Variants in SLC36A3 observed in about 807,000 individuals in gnomAD.
SLC36A3 encodes proton-coupled amino acid transporter 3.
Under a neutral mutation model 44.3 loss-of-function variants are expected in SLC36A3, and 35 were observed. That is an observed-to-expected ratio of 0.79 (90% CI 0.60 to 1.05). The LOEUF (loss-of-function observed/expected upper bound fraction) is 1.05. Among genes scored for constraint, SLC36A3 ranks in the 50% least tolerant of loss-of-function variants. SLC36A3 has a pLI of 0.00. For synonymous variants in SLC36A3, 211 were observed against 227.6 expected (o/e 0.93, Z 0.66); for missense variants, 540 against 578.7 (o/e 0.93, Z 0.69).
intron 2 of SLC36A3, 140 bp from the exon 3 acceptor site, chr5:151,296,408 G>A (rs1331403552): frequency 1.5e-6 from 1 of 679,784 alleles, no homozygotes; most frequent in African/African-American, 1.8e-5. Context: ...ATGTCCTCAT[G>A]CTCCCAGATG....
Position 151,277,476 on chromosome 5 carries a change from T to G in SLC36A3, c.1330A>C (p.Ile444Leu). ...TAGAGGGCTTGGTATGTCCCAAATA[T>G]ACACCCTAAAAGGCCCACGATGCTA... The part of the protein sequence containing the change: ...MISIVGLLGC[I>L]FGTYQALYEL... The change falls in exon 10 of 10, where the codon ATA becomes CTA. Residue 444 changes from isoleucine (I) to leucine (L), a missense_variant. Ile to Leu is a conservative substitution (Grantham distance 5). Coordinates refer to ENST00000335230, the MANE Select transcript of SLC36A3 (RefSeq NM_181774.4). 8 of 1,614,124 alleles carry G rather than the reference T, an allele frequency of 5.0e-6. No homozygotes were observed. The highest frequency in any genetic ancestry group is 5.9e-6 in the Non-Finnish European group (7 of 1,180,022).
intron 8 of SLC36A3, among the ~76,000 whole-genome samples, chr5:151,281,646 C>G (rs1358803040): frequency 2.0e-5 from 3 of 152,072 alleles, no homozygotes; most frequent in Non-Finnish European, 4.4e-5. Flanking sequence ...GGTGAAAGCT[C>G]GTCTCTAATA....
At chr5:151,292,557 T>TA (rs1375623171) in intron 4 of SLC36A3, among the ~76,000 whole-genome samples, 3 of 152,224 alleles carry the variant, frequency 2.0e-5, no homozygotes, top group Non-Finnish European at 4.4e-5. Flanking sequence ...ACAGAGGAAC[T>TA]AAGACAGAGA....
At chr5:151,295,390 T>G (rs1321598635) in intron 3 of SLC36A3, among the ~76,000 whole-genome samples, 1 of 152,230 alleles carries the variant, frequency 6.6e-6, no homozygotes, top group Non-Finnish European at 1.5e-5. Flanking sequence ...AACTACGGAA[T>G]GAGTAAATGC....
intron 8 of SLC36A3, among the ~76,000 whole-genome samples, chr5:151,281,924 G>A (rs1475208962): frequency 1.3e-5 from 2 of 152,060 alleles, no homozygotes; most frequent in East Asian, 3.9e-4. Flanking sequence ...CTAGCTTCTA[G>A]TTTCCCTTTC....
Position 151,284,674 on chromosome 5 carries a change from T to C in SLC36A3, c.746A>G (p.Asn249Ser). The change falls in exon 7 of 10, where the codon AAC becomes AGC. Residue 249 changes from asparagine to serine, a missense_variant. Physicochemically the swap from Asn to Ser is conservative, Grantham distance 46 (BLOSUM62 1). Coordinates refer to ENST00000335230, the MANE Select transcript of SLC36A3 (RefSeq NM_181774.4). ...AAAGAACAGCAAGAAGGTCTTCCAGTTTGCCATCAAGGGTAGGTTGCTGGG... is the reference window on the plus strand; with the variant it reads ...AAAGAACAGCAAGAAGGTCTTCCAGCTTGCCATCAAGGGTAGGTTGCTGGG... ...PYPSNLPLMA[N>S]WKTFLLFFGT... is the part of the protein sequence containing the mutation. 6.2e-7 allele frequency: 1 copy of C among 1,613,436 alleles called. No homozygotes were observed. The highest frequency in any genetic ancestry group is 1.1e-5 in the South Asian group (1 of 90,954).
intron 8 of SLC36A3, among the ~76,000 whole-genome samples, chr5:151,281,803 C>A (rs1034000796): frequency 1.1e-4 from 17 of 152,146 alleles, no homozygotes; most frequent in Admixed American, 7.2e-4. Context: ...GCCTGGGCAA[C>A]AGAGTGAGAC....
At chr5:151,292,181 T>C (rs1754783844) in intron 4 of SLC36A3, among the ~76,000 whole-genome samples, 1 of 152,194 alleles carries the variant, frequency 6.6e-6, no homozygotes. Context: ...CAGTTTTTAA[T>C]CAAGCTCCTC....
chr5:151,287,493 T>C, intron 5 of SLC36A3, 29 bp from the exon 6 acceptor site: 2 of 1,606,100 alleles, frequency 1.2e-6, no homozygotes, highest in African/African-American at 2.7e-5. Flanking sequence ...ACAGGCAGTG[T>C]GGTTGCTACG....
At chr5:151,282,368 A>C (rs1187922532) in intron 8 of SLC36A3, among the ~76,000 whole-genome samples, 1 of 151,692 alleles carries the variant, frequency 6.6e-6, no homozygotes, top group Non-Finnish European at 1.5e-5. Context: ...GGGTTTCTCT[A>C]TGTTGGTCTG....
At position 151,303,467 on chromosome 5, in the gene SLC36A3, C is replaced by T; in HGVS notation, c.-113G>A. The T allele has an allele frequency of 1.7e-6, 2 of 1,197,240 alleles. No individual in the cohort carries two copies. Among genetic ancestry groups the T allele is most frequent in the Non-Finnish European group, 2.3e-6 (2 of 853,226 alleles). The allele number at this position is 1,197,240 out of a possible 1,614,324, so 74.2% of individuals were successfully genotyped here. A position where few individuals can be genotyped will look rare whatever the true frequency, so the allele number is the denominator to read the frequency against. On this transcript the variant is annotated 5_prime_UTR_variant, in exon 1 of 10. Coordinates refer to ENST00000335230, the MANE Select transcript of SLC36A3 (RefSeq NM_181774.4). ...GCTGACCTGAGATGCTGGCTCCTAA[C>T]CCCAAGGATGCGTGCTGCTGGCTGA...
chr5:151,280,336 C>T (rs937974808), intron 9 of SLC36A3, among the ~76,000 whole-genome samples: 1 of 152,134 alleles, frequency 6.6e-6, no homozygotes, highest in African/African-American at 2.4e-5. Context: ...TGCCTGTAAT[C>T]CCAGCTACTC....
rs1483366965 is a variant in SLC36A3, at chr5:151,296,191, G to A, written c.297C>T (p.His99=). The part of the protein sequence containing the change: ...CMVILLNCAQ[H]LSQRLQKTFV... ...AGCAGGCCTCTGACCTCTGGCTGAG[G>A]TGTTGAGCACAGTTCAACAGGATGA... Residue 99 remains histidine (H), a synonymous_variant, in exon 3 of 10, where the codon CAC becomes CAT. Transcript: ENST00000335230. The A allele has an allele frequency of 2.5e-6, 4 of 1,614,120 alleles. No homozygotes were observed. The highest frequency in any genetic ancestry group is 2.2e-5 in the East Asian group (1 of 44,884).
chr5:151,296,353 C>G (rs1488505816), intron 2 of SLC36A3, 85 bp from the exon 3 acceptor site: 1 of 1,152,426 alleles, frequency 8.7e-7, no homozygotes, highest in Non-Finnish European at 1.3e-6. Flanking sequence ...GTGCTGGGGC[C>G]TGTTGCATAA....
At chr5:151,285,563 G>A (rs1298378830) in intron 6 of SLC36A3, among the ~76,000 whole-genome samples, 2 of 152,188 alleles carry the variant, frequency 1.3e-5, no homozygotes, top group Admixed American at 6.6e-5. Flanking sequence ...TCTATGGTGG[G>A]TAGAATAATG....
At chr5:151,283,986 G>T in intron 8 of SLC36A3, 58 bp downstream of exon 8, 1 of 1,530,140 alleles carries the variant, frequency 6.5e-7, no homozygotes, top group South Asian at 1.3e-5. Flanking sequence ...TCTCTGCTAT[G>T]ACAACCAGAA....
Position 151,284,030 on chromosome 5 carries a change from T to C in SLC36A3, c.974+14A>G. The C allele has an allele frequency of 3.8e-6, 6 of 1,598,758 alleles. No individual in the cohort carries two copies. Among genetic ancestry groups the C allele is most frequent in the Non-Finnish European group, 5.1e-6 (6 of 1,174,268 alleles). On this transcript the variant is annotated intron_variant, in intron 8 of 9. Transcript: ENST00000335230. ...GTGTCTCTCCCTATCTCACCTGAGG[T>C]GGGCAGGACATACCAGCAATTGGGC...
intron 1 of SLC36A3, among the ~76,000 whole-genome samples, chr5:151,302,742 A>C (rs139651335): frequency 6.6e-6 from 1 of 152,032 alleles, no homozygotes; most frequent in Admixed American, 6.6e-5. Flanking sequence ...AAATTAAATT[A>C]AATTTAATTT....
Position 151,287,288 on chromosome 5 carries a change from G to C in SLC36A3, c.666C>G (p.Thr222=). ...AGATCAGAGCCATGCTCCCAAGGGT[G>C]GTGATGTTGGCCAATGTCGAGAAGA... is the stretch of plus-strand genomic sequence containing the variant. ...LSVFSTLANI[T]TLGSMALIFE... is the part of the protein sequence containing the mutation. The change falls in exon 6 of 10, where the codon ACC becomes ACG. Residue 222 remains threonine (T), a synonymous_variant. Transcript: ENST00000335230. The C allele has an allele frequency of 6.2e-7, 1 of 1,614,168 alleles. No individual in the cohort carries two copies. Among genetic ancestry groups the C allele is most frequent in the Non-Finnish European group, 8.5e-7 (1 of 1,180,034 alleles).
Sources: gnomAD v4.1 joint callset for allele counts (sites outside exome capture counted in the v4.1 genomes callset) on GRCh38, gnomAD v4.1.1 for gene constraint, MANE v1.5 for transcripts, NCBI Gene and HGNC (gene_info 2026-07-23, HGNC 2026-07-21) for gene names.